The following CHRM3 variants were observed in gnomAD, a reference collection of about 807,000 sequenced individuals.
CHRM3 encodes cholinergic receptor muscarinic 3, also known as muscarinic acetylcholine receptor M3.
A neutral mutation model predicts 41.8 loss-of-function variants in CHRM3; 11 were observed. That is an observed-to-expected ratio of 0.26 (90% confidence interval 0.17 to 0.44). The LOEUF (loss-of-function observed/expected upper bound fraction) is 0.44. Among genes scored for constraint, CHRM3 ranks in the 20% least tolerant of loss-of-function variants. The pLI is 1.00. For missense variants in CHRM3, 571 were observed against 745.4 expected, an observed-to-expected ratio of 0.77 and a Z score of 2.72; for synonymous variants, 297 against 301.4, an observed-to-expected ratio of 0.99 and a Z score of 0.15.
At chr1:239,739,818 C>A (rs1315153803) in intron 5 of CHRM3, among the ~76,000 whole-genome samples, 2 of 152,130 alleles carry the variant, frequency 1.3e-5, no homozygotes, top group East Asian at 1.9e-4. Context: ...GATATTGATA[C>A]ATTTGGATTG....
In CHRM3 at chr1:239,611,698, C is replaced by G. The variant is rs934245530; in HGVS notation, c.-312-20526C>G. On this transcript the variant is annotated intron_variant, in intron 3 of 6. Coordinates refer to ENST00000676153, the MANE Select transcript of CHRM3 (RefSeq NM_001375978.1). ...CCTCCCAAAGTGCTGGGATTACAGG[C>G]ATGAGCCACCGCACCCAGCCGCAAG... is the stretch of plus-strand genomic sequence containing the variant. Among the ~76,000 whole-genome samples, 59 of 152,202 alleles carry G rather than the reference C, an allele frequency of 3.9e-4. No individual in the cohort carries two copies. The East Asian group carries it at 4.1e-3, about 11-fold the overall frequency.
chr1:239,614,853 C>A (rs1667461920), intron 3 of CHRM3, among the ~76,000 whole-genome samples: 2 of 152,116 alleles, frequency 1.3e-5, no homozygotes, highest in Admixed American at 6.5e-5. Flanking sequence ...TTATGGATTG[C>A]AGATATATAT....
At chr1:239,551,469 T>G (rs1332052979) in intron 3 of CHRM3, among the ~76,000 whole-genome samples, 3 of 151,670 alleles carry the variant, frequency 2.0e-5, no homozygotes, top group African/African-American at 7.3e-5. Flanking sequence ...GCCTATGTTA[T>G]TATTATTGTA....
intron 1 of CHRM3, among the ~76,000 whole-genome samples, chr1:239,390,589 G>A (rs929815751): frequency 6.7e-6 from 1 of 150,228 alleles, no homozygotes; most frequent in Non-Finnish European, 1.5e-5. Flanking sequence ...GGTATGAAAG[G>A]CTTCCCTCAC....
In CHRM3 at chr1:239,909,235, T is replaced by C. The variant is rs750636073; in HGVS notation, c.*11T>C. The C allele has an allele frequency of 6.3e-6, 10 of 1,588,448 alleles. No homozygotes were observed. In the East Asian group the frequency reaches 2.2e-4, roughly 35 times the overall value. ...GAGCAGGCCTTGTAGAATGAGGTTGTATCAATAGCAGTGACAAAACGCACA... is the reference window on the plus strand; with the variant it reads ...GAGCAGGCCTTGTAGAATGAGGTTGCATCAATAGCAGTGACAAAACGCACA... On this transcript the variant is annotated 3_prime_UTR_variant, in exon 7 of 7. Coordinates refer to ENST00000676153, the MANE Select transcript of CHRM3 (RefSeq NM_001375978.1).
chr1:239,832,166 C>T (rs912623841), intron 6 of CHRM3, among the ~76,000 whole-genome samples: 1 of 152,026 alleles, frequency 6.6e-6, no homozygotes, highest in African/African-American at 2.4e-5. Flanking sequence ...CTCCATTGTA[C>T]GGGTGGCACC....
At chr1:239,859,054 T>TGAA (rs1675360132) in intron 6 of CHRM3, among the ~76,000 whole-genome samples, 14 of 152,224 alleles carry the variant, frequency 9.2e-5, no homozygotes, top group Admixed American at 9.2e-4. Context: ...GCTATGAACA[T>TGAA]TTATGTACAA....
At chr1:239,453,534 A>G (rs1006553390) in intron 1 of CHRM3, among the ~76,000 whole-genome samples, 6 of 152,224 alleles carry the variant, frequency 3.9e-5, no homozygotes, top group African/African-American at 1.4e-4. Flanking sequence ...TTCTTGTCTT[A>G]TTAGAAACAA....
rs1399611615 is a variant in CHRM3, at chr1:239,551,129, A to G, written c.-313+5380A>G. Among the ~76,000 whole-genome samples the G allele has an allele frequency of 2.8e-5, 4 of 144,142 alleles. No homozygotes were observed. In the East Asian group the frequency reaches 6.2e-4, roughly 22 times the overall value. 94.6% of individuals were successfully genotyped at this position (144,142 alleles called of 152,430 possible). A position where few individuals can be genotyped will look rare whatever the true frequency, so the allele number is the denominator to read the frequency against. ...CATTTGGGAAAGGTGGAAAATGCATATAAGTGTTACCATTCTTTTTTTTTT... is the reference window on the plus strand; with the variant it reads ...CATTTGGGAAAGGTGGAAAATGCATGTAAGTGTTACCATTCTTTTTTTTTT... On this transcript the variant is annotated intron_variant, in intron 3 of 6. Coordinates refer to ENST00000676153, the MANE Select transcript of CHRM3 (RefSeq NM_001375978.1).
Position 239,641,815 on chromosome 1 carries a change from T to C in CHRM3, c.-250+9529T>C, listed in dbSNP as rs1259390666. On this transcript the variant is annotated intron_variant, in intron 4 of 6. Coordinates refer to ENST00000676153, the MANE Select transcript of CHRM3 (RefSeq NM_001375978.1). ...GAATTTGATCCTGTCATTATGATGT[T>C]AGCTGGTTATTTTGCTCGTTAGTTG... Among the ~76,000 whole-genome samples, 2 of 128,456 alleles carry C rather than the reference T, an allele frequency of 1.6e-5. 1 individual carries two copies. The highest frequency in any genetic ancestry group is 5.2e-4 in the South Asian group (2 of 3,822). The allele number at this position is 128,456 out of a possible 152,430, so 84.3% of individuals were successfully genotyped here. A position where few individuals can be genotyped will look rare whatever the true frequency, so the allele number is the denominator to read the frequency against.
intron 1 of CHRM3, among the ~76,000 whole-genome samples, chr1:239,438,581 A>G (rs1331353326): frequency 6.6e-6 from 1 of 152,188 alleles, no homozygotes; most frequent in Non-Finnish European, 1.5e-5. Context: ...GATATGGAGC[A>G]TAGTGAATAC....
chr1:239,676,414 T>C (rs768734643), intron 4 of CHRM3, among the ~76,000 whole-genome samples: 4 of 152,170 alleles, frequency 2.6e-5, no homozygotes, highest in Non-Finnish European at 4.4e-5. Context: ...CTGATCATAG[T>C]TGAGTGTGTC....
chr1:239,883,389 T>C (rs1414366496), intron 6 of CHRM3, among the ~76,000 whole-genome samples: 1 of 152,210 alleles, frequency 6.6e-6, no homozygotes, highest in African/African-American at 2.4e-5. Flanking sequence ...GTTAGGTCCA[T>C]CCATGCTTTT....
intron 5 of CHRM3, among the ~76,000 whole-genome samples, chr1:239,810,322 G>A (rs530665838): frequency 9.9e-5 from 15 of 152,088 alleles, no homozygotes; most frequent in African/African-American, 1.7e-4. Flanking sequence ...TTGAAGCTCC[G>A]TTGCAGAAAG....
intron 5 of CHRM3, among the ~76,000 whole-genome samples, chr1:239,789,883 T>TA (rs1669203163): frequency 6.6e-6 from 1 of 152,198 alleles, no homozygotes; most frequent in Admixed American, 6.5e-5. Flanking sequence ...AGATTCCTCA[T>TA]TAGTCTTTTG....
At chr1:239,867,668 AGAGT>A (rs1676228441) in intron 6 of CHRM3, among the ~76,000 whole-genome samples, 1 of 140,440 alleles carries the variant, frequency 7.1e-6, no homozygotes, top group Non-Finnish European at 1.6e-5. Context: ...CCTGGGTGAC[AGAGT>A]GAGACTCTGT....
chr1:239,768,808 A>C (rs574562048), intron 5 of CHRM3, among the ~76,000 whole-genome samples: 1 of 151,268 alleles, frequency 6.6e-6, no homozygotes, highest in African/African-American at 2.4e-5. Context: ...TCAGTCACCC[A>C]GGCTGGAGTG....
chr1:239,727,265 A>G (rs1239419360), intron 5 of CHRM3, among the ~76,000 whole-genome samples: 2 of 151,892 alleles, frequency 1.3e-5, no homozygotes, highest in African/African-American at 4.8e-5. Flanking sequence ...TTCTATTTGG[A>G]CAGAATTGTT....
intron 5 of CHRM3, among the ~76,000 whole-genome samples, chr1:239,695,756 G>GA (rs1392714799): frequency 9.2e-5 from 14 of 151,540 alleles, no homozygotes; most frequent in Admixed American, 4.6e-4. Context: ...TTAAGAGCCA[G>GA]AAAAAAAAAT....
Sources: gnomAD v4.1 joint callset for allele counts (sites outside exome capture counted in the v4.1 genomes callset) on GRCh38, gnomAD v4.1.1 for gene constraint, MANE v1.5 for transcripts, NCBI Gene and HGNC (gene_info 2026-07-23, HGNC 2026-07-21) for gene names.